The following ADK variants were observed in gnomAD, a reference collection of about 807,000 sequenced individuals.
ADK encodes the protein N6,N6-dimethyladenosine kinase.
Under a neutral mutation model 44.7 loss-of-function variants are expected in ADK, and 24 were observed. The observed-to-expected ratio is 0.54, with a 90% CI of 0.39 to 0.76. The LOEUF is 0.76. Ranked by LOEUF, ADK falls within the 30% of genes least tolerant of loss-of-function variation. The probability of loss-of-function intolerance (pLI) is 0.00; values close to 1 mark genes in which losing one functional copy is unlikely to be tolerated. For synonymous variants in ADK, 128 were observed against 142.6 expected (o/e 0.90, Z 0.73); for missense variants, 321 against 425.1 (o/e 0.76, Z 2.15).
At chr10:74,704,315 AT>A (rs1397293350) in intron 10 of ADK, among the ~76,000 whole-genome samples, 3 of 152,238 alleles carry the variant, frequency 2.0e-5, no homozygotes, top group Non-Finnish European at 4.4e-5. Context: ...TGCATTTAAA[AT>A]TTGTTAAAAT....
chr10:74,494,823 C>G (rs1237044890), intron 6 of ADK, among the ~76,000 whole-genome samples: 20 of 152,030 alleles, frequency 1.3e-4, no homozygotes, highest in Non-Finnish European at 1.5e-5. Flanking sequence ...CCACCACACC[C>G]GGCCAAGTTC....
chr10:74,491,805 T>C (rs182174262), intron 6 of ADK, among the ~76,000 whole-genome samples: 85 of 152,268 alleles, frequency 5.6e-4, no homozygotes, highest in African/African-American at 1.9e-3. Context: ...TGTGTGTTGC[T>C]TTCCCCCCCG....
rs566583805 is a variant in ADK, at chr10:74,233,919, A to T, written c.194+9328A>T. On this transcript the variant is annotated intron_variant, in intron 3 of 10. Transcript: ENST00000539909. ...ATTCAGAGCACTTTAGTCAAAGTGT[A>T]GTTCATTGATCCTTAACTGCAATTT... Among the ~76,000 whole-genome samples the T allele has an allele frequency of 3.3e-5, 5 of 152,340 alleles. No individual in the cohort carries two copies. In the East Asian group the frequency reaches 9.6e-4, roughly 29 times the overall value.
At chr10:74,674,091 T>A (rs2134209057) in intron 10 of ADK, among the ~76,000 whole-genome samples, 1 of 152,274 alleles carries the variant, frequency 6.6e-6, no homozygotes, top group Middle Eastern at 3.4e-3. Flanking sequence ...AAAACAAGGA[T>A]GTAAGTTCTC....
intron 3 of ADK, among the ~76,000 whole-genome samples, chr10:74,265,508 G>A (rs998848554): frequency 1.4e-4 from 22 of 152,096 alleles, no homozygotes; most frequent in African/African-American, 4.8e-4. Flanking sequence ...GTGAGCCACC[G>A]TGCCTGGCCT....
chr10:74,178,355 T>C (rs1363418305), intron 1 of ADK, among the ~76,000 whole-genome samples: 2 of 152,210 alleles, frequency 1.3e-5, no homozygotes, highest in Non-Finnish European at 2.9e-5. Flanking sequence ...GTAAATTATA[T>C]TGGGGCATAT....
intron 4 of ADK, among the ~76,000 whole-genome samples, chr10:74,389,336 C>G (rs1258988661): frequency 6.6e-6 from 1 of 151,940 alleles, no homozygotes; most frequent in Non-Finnish European, 1.5e-5. Context: ...TCTTTTTATT[C>G]CCTGGCAGAC....
chr10:74,480,226 C>CT (rs1554865928), intron 6 of ADK, among the ~76,000 whole-genome samples: 124 of 133,116 alleles, frequency 9.3e-4, no homozygotes, highest in East Asian at 4.1e-3. Context: ...TTCTTTCTTT[C>CT]TTTTTTTTTT....
chr10:74,230,961 C>G (rs930632172), intron 3 of ADK, among the ~76,000 whole-genome samples: 1 of 152,056 alleles, frequency 6.6e-6, no homozygotes, highest in African/African-American at 2.4e-5. Context: ...GGATTATAGG[C>G]GTGAGCCACC....
chr10:74,308,405 C>T (rs1039117437), intron 3 of ADK, among the ~76,000 whole-genome samples: 17 of 152,218 alleles, frequency 1.1e-4, no homozygotes, highest in African/African-American at 3.1e-4. Context: ...TAAAAATAAA[C>T]GCATGTCGAA....
intron 4 of ADK, among the ~76,000 whole-genome samples, chr10:74,348,674 A>T (rs979308898): frequency 1.3e-5 from 2 of 151,972 alleles, no homozygotes; most frequent in Middle Eastern, 6.8e-3. Flanking sequence ...ATAAAAGGTT[A>T]TAGGAACTGC....
At chr10:74,574,198 C>T (rs1233141082) in intron 7 of ADK, among the ~76,000 whole-genome samples, 3 of 145,478 alleles carry the variant, frequency 2.1e-5, no homozygotes, top group Non-Finnish European at 4.5e-5. Context: ...GAAAGATTCT[C>T]ACTCAGCCAC....
At chr10:74,360,397 A>C (rs188353778) in intron 4 of ADK, among the ~76,000 whole-genome samples, 43 of 152,266 alleles carry the variant, frequency 2.8e-4, no homozygotes, top group African/African-American at 1.0e-3. Flanking sequence ...TAAATGTCTT[A>C]GGTTTATTTG....
chr10:74,468,030 C>T (rs946997262), intron 6 of ADK, among the ~76,000 whole-genome samples: 1 of 152,110 alleles, frequency 6.6e-6, no homozygotes, highest in African/African-American at 2.4e-5. Flanking sequence ...TATTTTATTA[C>T]ACTCTTAAAG....
intron 1 of ADK, among the ~76,000 whole-genome samples, chr10:74,154,770 A>G (rs1199509389): frequency 6.6e-6 from 1 of 152,192 alleles, no homozygotes; most frequent in Non-Finnish European, 1.5e-5. Flanking sequence ...TTTTACATCC[A>G]CATTATAATG....
At chr10:74,447,943 G>C (rs374361856) in intron 6 of ADK, among the ~76,000 whole-genome samples, 15 of 152,304 alleles carry the variant, frequency 9.8e-5, no homozygotes, top group African/African-American at 2.9e-4. Context: ...GGAGGCTGAG[G>C]GGGGTGGATC....
intron 6 of ADK, chr10:74,509,203 T>G (rs1475168984): frequency 2.0e-5 from 3 of 151,962 alleles, no homozygotes; most frequent in Admixed American, 2.0e-4. Context: ...ATGATTTTTT[T>G]TTTTTTTTGA....
At chr10:74,614,516 A>G (rs528693571) in intron 9 of ADK, among the ~76,000 whole-genome samples, 6 of 152,240 alleles carry the variant, frequency 3.9e-5, no homozygotes, top group Admixed American at 3.9e-4. Flanking sequence ...TACAATACTT[A>G]TAGCACTTAA....
chr10:74,603,503 G>A (rs543449162), intron 9 of ADK, among the ~76,000 whole-genome samples: 1 of 152,212 alleles, frequency 6.6e-6, no homozygotes, highest in African/African-American at 2.4e-5. Context: ...GTGAGAACAT[G>A]CAGTGTTTGG....
Sources: allele counts gnomAD v4.1 joint callset (sites outside exome capture counted in the v4.1 genomes callset), GRCh38; gene constraint gnomAD v4.1.1; transcripts MANE v1.5; gene names NCBI Gene and HGNC (gene_info 2026-07-23, HGNC 2026-07-21).